The following MYT1 variants were observed in gnomAD, a reference collection of about 807,000 sequenced individuals.
The protein encoded by MYT1 is myelin transcription factor 1.
A neutral mutation model predicts 123.0 loss-of-function variants in MYT1; 23 were observed. The observed-to-expected ratio is 0.19, with a 90% confidence interval of 0.13 to 0.26. The LOEUF is 0.26. Ranked by LOEUF, MYT1 falls within the 10% of genes least tolerant of loss-of-function variation. MYT1 has a pLI of 1.00. For missense variants in MYT1, 1,125 were observed against 1,472.5 expected (o/e 0.76, Z 3.86); for synonymous variants, 518 against 575.3 (o/e 0.90, Z 1.43).
intron 4 of MYT1, among the ~76,000 whole-genome samples, chr20:64,200,236 C>G (rs966283873): frequency 1.3e-5 from 2 of 152,242 alleles, no homozygotes; most frequent in Admixed American, 6.5e-5. Context: ...ACAAGCCGCT[C>G]TCTTACCGGA....
Position 64,190,333 on chromosome 20 carries a change from C to G in MYT1, c.-1+173C>G, listed in dbSNP as rs543762662. On this transcript the variant is annotated intron_variant, in intron 2 of 22. Transcript: ENST00000328439. This position sits in a 1 kb window ranked among gnomAD's most constrained non-coding sequence, Gnocchi z 4.1. Reference sequence around the variant, plus strand: ...ACTAGGATCAGCAATGATCCGGTCACTTTAAAATTAAGGGAAGAAAAATGA... The same window carrying G: ...ACTAGGATCAGCAATGATCCGGTCAGTTTAAAATTAAGGGAAGAAAAATGA... Among the ~76,000 whole-genome samples the G allele has an allele frequency of 1.3e-5, 2 of 152,328 alleles. No homozygotes were observed. The highest frequency in any genetic ancestry group is 4.1e-4 in the South Asian group (2 of 4,826).
chr20:64,179,169 T>C (rs897898109), intron 1 of MYT1, among the ~76,000 whole-genome samples: 1 of 150,712 alleles, frequency 6.6e-6, no homozygotes, highest in African/African-American at 2.4e-5. Context: ...GTGGGAGCAC[T>C]GAGCCGTTAT....
intron 6 of MYT1, among the ~76,000 whole-genome samples, chr20:64,206,966 G>A (rs1441284108): frequency 1.3e-5 from 2 of 152,130 alleles, no homozygotes; most frequent in Admixed American, 1.3e-4. Context: ...GAGTGCAGGG[G>A]CACGATCTTG....
intron 1 of MYT1, among the ~76,000 whole-genome samples, chr20:64,181,618 T>C (rs1211143919): frequency 2.0e-5 from 3 of 152,196 alleles, no homozygotes; most frequent in African/African-American, 7.2e-5. Flanking sequence ...GCCTCCTGGT[T>C]TGTCCTTGTT....
In MYT1 at chr20:64,208,240, G is replaced by A. The variant is rs142370327; in HGVS notation, c.1044G>A (p.Ser348=). The A allele has an allele frequency of 1.7e-5, 28 of 1,614,114 alleles. No individual in the cohort carries two copies. The highest frequency in any genetic ancestry group is 1.7e-4 in the Admixed American group (10 of 60,026). The change falls in exon 7 of 23, where the codon TCG becomes TCA. Residue 348 remains serine, a synonymous_variant. Coordinates refer to ENST00000328439, the MANE Select transcript of MYT1 (RefSeq NM_004535.3). The surrounding 1 kb of genome is among the most constrained non-coding windows in gnomAD (Gnocchi z 5.4). ...PEYSVIVEVR[S]DDDKDEDTHS... is the part of the protein sequence containing the mutation. ...ACTCTGTTATTGTGGAGGTCCGCTC[G>A]GATGATGACAAGGACGAGGACACCC... is the stretch of plus-strand genomic sequence containing the variant.
intron 7 of MYT1, among the ~76,000 whole-genome samples, chr20:64,209,623 C>T (rs1301408598): frequency 6.6e-6 from 1 of 152,156 alleles, no homozygotes; most frequent in Non-Finnish European, 1.5e-5. Flanking sequence ...GGAGATGACT[C>T]AGGTGCTGGA....
chr20:64,208,274 A>G lies in MYT1; in HGVS notation c.1078A>G (p.Lys360Glu), dbSNP rs1459368385. ...DDKDEDTHSRKSTVTDESEMQ... is the reference protein window; with the variant it reads ...DDKDEDTHSRESTVTDESEMQ... Reference sequence around the variant, plus strand: ...CAAGGACGAGGACACCCACTCCCGGAAGTCAACAGTCACTGACGAGTCGGA... The same window carrying G: ...CAAGGACGAGGACACCCACTCCCGGGAGTCAACAGTCACTGACGAGTCGGA... Residue 360 changes from lysine (K) to glutamate (E), a missense_variant, in exon 7 of 23, where the codon AAG becomes GAG. Lys to Glu is a moderately conservative substitution (Grantham distance 56, BLOSUM62 1). Around this residue, in one of 4 missense-constraint regions of MYT1, gnomAD observed 429 missense variants for 604.1 expected, o/e 0.71. Coordinates refer to ENST00000328439, the MANE Select transcript of MYT1 (RefSeq NM_004535.3). This position sits in a 1 kb window ranked among gnomAD's most constrained non-coding sequence, Gnocchi z 5.4. 6 of 1,614,044 alleles carry G rather than the reference A, an allele frequency of 3.7e-6. No homozygotes were observed. In the African/African-American group the frequency reaches 8.0e-5, roughly 22 times the overall value.
chr20:64,228,139 G>A (rs925996749), intron 18 of MYT1, 168 bp downstream of exon 18: 113 of 652,056 alleles, frequency 1.7e-4, no homozygotes, highest in Admixed American at 2.8e-4. Context: ...GCTCTCATAC[G>A]CTACACGTTG....
chr20:64,193,716 C>T lies in MYT1; in HGVS notation c.-1+3556C>T, dbSNP rs551731675. Among the ~76,000 whole-genome samples, 9 of 152,038 alleles carry T rather than the reference C, an allele frequency of 5.9e-5. No individual in the cohort carries two copies. The highest frequency in any genetic ancestry group is 4.2e-4 in the South Asian group (2 of 4,792). ...TTCTGGGAAGTGGCTGCCTATGGTC[C>T]GCTGGGACTCAGCAGGTGCTCTTCC... On this transcript the variant is annotated intron_variant, in intron 2 of 22. Coordinates refer to ENST00000328439, the MANE Select transcript of MYT1 (RefSeq NM_004535.3). The surrounding 1 kb of genome is among the most constrained non-coding windows in gnomAD (Gnocchi z 4.0).
chr20:64,199,128 G>T (rs1162656965), intron 3 of MYT1, among the ~76,000 whole-genome samples: 1 of 152,222 alleles, frequency 6.6e-6, no homozygotes, highest in African/African-American at 2.4e-5. Flanking sequence ...CCTGCCTTGA[G>T]GGCAGAAATG....
Position 64,203,440 on chromosome 20 carries a change from G to A in MYT1, c.87-1595G>A, listed in dbSNP as rs1052184352. On this transcript the variant is annotated intron_variant, in intron 4 of 22. Coordinates refer to ENST00000328439, the MANE Select transcript of MYT1 (RefSeq NM_004535.3). This position sits in a 1 kb window ranked among gnomAD's most constrained non-coding sequence, Gnocchi z 5.1. ...GCAGGGAGAGGTGGGTGGCAGCGGC[G>A]GCAACTCCCTCAGTTTGGAAAGGGA... 1.3e-5 allele frequency among the ~76,000 whole-genome samples: 2 copies of A among 152,102 alleles called. No individual in the cohort carries two copies. Among genetic ancestry groups the A allele is most frequent in the South Asian group, 2.1e-4 (1 of 4,824 alleles).
chr20:64,210,513 C>G (rs1483014344), intron 7 of MYT1, among the ~76,000 whole-genome samples: 1 of 152,226 alleles, frequency 6.6e-6, no homozygotes, highest in Non-Finnish European at 1.5e-5. Flanking sequence ...AGCAAGAGCT[C>G]CTTCCCTTTG....
chr20:64,183,283 T>C (rs1982704173), intron 1 of MYT1, among the ~76,000 whole-genome samples: 1 of 152,242 alleles, frequency 6.6e-6, no homozygotes, highest in Admixed American at 6.5e-5. Flanking sequence ...CAGCAGTTGA[T>C]GGACATTTGG....
rs1026469870 is a variant in MYT1, at chr20:64,231,952, C to T, written c.2676-212C>T. Among the ~76,000 whole-genome samples, 2 of 152,136 alleles carry T rather than the reference C, an allele frequency of 1.3e-5. No homozygotes were observed. The highest frequency in any genetic ancestry group is 2.9e-5 in the Non-Finnish European group (2 of 68,006). ...TCATGCAGGGGCTGTGAGGCCAAAGCGGAAGAGGGAGCGTGGCCCGGGTCT... is the reference window on the plus strand; with the variant it reads ...TCATGCAGGGGCTGTGAGGCCAAAGTGGAAGAGGGAGCGTGGCCCGGGTCT... On this transcript the variant is annotated intron_variant, in intron 18 of 22. Transcript: ENST00000328439. This position sits in a 1 kb window ranked among gnomAD's most constrained non-coding sequence, Gnocchi z 6.4.
intron 1 of MYT1, among the ~76,000 whole-genome samples, chr20:64,180,577 T>C (rs1473178244): frequency 2.0e-5 from 3 of 152,300 alleles, no homozygotes; most frequent in African/African-American, 7.2e-5. Context: ...GGACACCTTC[T>C]CCCCTGCAAG....
At position 64,241,299 on chromosome 20, in the gene MYT1, G is replaced by A. The variant is rs1206868266; in HGVS notation, c.*851G>A. On this transcript the variant is annotated 3_prime_UTR_variant, in exon 23 of 23. Coordinates refer to ENST00000328439, the MANE Select transcript of MYT1 (RefSeq NM_004535.3). The surrounding 1 kb of genome is among the most constrained non-coding windows in gnomAD (Gnocchi z 4.2). ...TGACCTCTGCATCCATGGTGACGGAGGTGGCAATGACATCATCAAGGTCAG... is the reference window on the plus strand; with the variant it reads ...TGACCTCTGCATCCATGGTGACGGAAGTGGCAATGACATCATCAAGGTCAG... 6.6e-6 allele frequency: 1 copy of A among 152,294 alleles called. No individual in the cohort carries two copies. The highest frequency in any genetic ancestry group is 1.9e-4 in the East Asian group (1 of 5,194). 9.4% of individuals were successfully genotyped at this position (152,294 alleles called of 1,614,324 possible).
chr20:64,177,031 T>G (rs2145693027), intron 1 of MYT1, among the ~76,000 whole-genome samples: 1 of 152,364 alleles, frequency 6.6e-6, no homozygotes, highest in African/African-American at 2.4e-5. Flanking sequence ...TTTGCATTTT[T>G]AAGGAAACAC....
At chr20:64,188,683 G>A (rs1202408167) in intron 1 of MYT1, among the ~76,000 whole-genome samples, 2 of 152,208 alleles carry the variant, frequency 1.3e-5, no homozygotes, top group African/African-American at 2.4e-5. Context: ...TACCTGGTGG[G>A]CAGGTGGGCC....
At position 64,192,446 on chromosome 20, in the gene MYT1, G is replaced by A. The variant is rs1392456407; in HGVS notation, c.-1+2286G>A. ...GTGAGAATGTCACACAGCCACAGCAGCATCGGGGTCAGCCTTCCAGAGGCT... is the reference window on the plus strand; with the variant it reads ...GTGAGAATGTCACACAGCCACAGCAACATCGGGGTCAGCCTTCCAGAGGCT... On this transcript the variant is annotated intron_variant, in intron 2 of 22. Transcript: ENST00000328439. The surrounding 1 kb of genome is among the most constrained non-coding windows in gnomAD (Gnocchi z 5.3). 1.3e-5 allele frequency among the ~76,000 whole-genome samples: 2 copies of A among 152,220 alleles called. No individual in the cohort carries two copies. Among genetic ancestry groups the A allele is most frequent in the Non-Finnish European group, 2.9e-5 (2 of 68,026 alleles).
Sources: allele counts gnomAD v4.1 joint callset (sites outside exome capture counted in the v4.1 genomes callset), GRCh38; gene constraint gnomAD v4.1.1; regional missense constraint gnomAD v4.1.1; non-coding constraint Gnocchi (gnomAD v3.1); transcripts MANE v1.5; gene names NCBI Gene and HGNC (gene_info 2026-07-23, HGNC 2026-07-21).